PDCD10: variants seen among roughly 807,000 people sequenced by gnomAD.
PDCD10 encodes programmed cell death 10, also known as programmed cell death protein 10.
PDCD10 carries 4 observed loss-of-function variants against 29.2 expected under a neutral mutation model. The ratio of observed to expected loss-of-function variants is 0.14; its 90% CI spans 0.07 to 0.31. The LOEUF is 0.31. Ranked by LOEUF, PDCD10 falls within the 10% of genes least tolerant of loss-of-function variation. PDCD10 has a pLI of 1.00. For missense variants in PDCD10, 183 were observed against 257.9 expected, an observed-to-expected ratio of 0.71 and a Z score of 1.99; for synonymous variants, 70 against 82.2, an observed-to-expected ratio of 0.85 and a Z score of 0.80.
chr3:167,702,126 T>C (rs778338557), intron 4 of PDCD10, among the ~76,000 whole-genome samples: 2 of 152,158 alleles, frequency 1.3e-5, no homozygotes, highest in Non-Finnish European at 2.9e-5. Context: ...TACAGAAACA[T>C]TTTTAGAGAA....
At chr3:167,706,190 G>A (rs1197388584) in intron 3 of PDCD10, among the ~76,000 whole-genome samples, 3 of 152,158 alleles carry the variant, frequency 2.0e-5, no homozygotes, top group Admixed American at 2.0e-4. Flanking sequence ...TAGATTTCTA[G>A]ACTCATTTTA....
intron 2 of PDCD10, among the ~76,000 whole-genome samples, chr3:167,729,807 T>C (rs1724609687): frequency 6.6e-6 from 1 of 152,188 alleles, no homozygotes; most frequent in Non-Finnish European, 1.5e-5. Context: ...GGTAAACTTA[T>C]TCCCAAGGGA....
intron 3 of PDCD10, among the ~76,000 whole-genome samples, chr3:167,716,759 T>G (rs184071807): frequency 1.6e-4 from 24 of 152,138 alleles, no homozygotes; most frequent in Admixed American, 1.4e-3. Flanking sequence ...AAGCATACTT[T>G]TGTGTAATTT....
intron 3 of PDCD10, among the ~76,000 whole-genome samples, chr3:167,716,950 T>C (rs375495666): frequency 6.6e-6 from 1 of 152,094 alleles, no homozygotes; most frequent in East Asian, 1.9e-4. Flanking sequence ...CATTCTCTCC[T>C]CCCCGATATA....
intron 3 of PDCD10, among the ~76,000 whole-genome samples, chr3:167,709,520 G>C (rs1722317966): frequency 6.6e-6 from 1 of 152,154 alleles, no homozygotes; most frequent in Admixed American, 6.5e-5. Flanking sequence ...TCAGCTAGCA[G>C]CCACCCACAA....
chr3:167,733,294 A>C (rs879566654), intron 2 of PDCD10, among the ~76,000 whole-genome samples: 1 of 152,222 alleles, frequency 6.6e-6, no homozygotes, highest in African/African-American at 2.4e-5. Context: ...GCCATCAATG[A>C]ACATACTCTA....
At chr3:167,730,193 T>C (rs1228806254) in intron 2 of PDCD10, among the ~76,000 whole-genome samples, 6 of 151,612 alleles carry the variant, frequency 4.0e-5, no homozygotes, top group South Asian at 2.1e-4. Flanking sequence ...ATAATAAATG[T>C]GCTTTCATTT....
chr3:167,698,330 T>C (rs755864841), intron 4 of PDCD10, among the ~76,000 whole-genome samples: 2 of 152,206 alleles, frequency 1.3e-5, no homozygotes, highest in African/African-American at 4.8e-5. Context: ...CTGTTTCTTT[T>C]ACAGCCTATG....
At chr3:167,690,686 A>G (rs1232059991) in intron 6 of PDCD10, among the ~76,000 whole-genome samples, 2 of 152,072 alleles carry the variant, frequency 1.3e-5, no homozygotes. Context: ...TTCCTTATCA[A>G]CTCCATTGAG....
Position 167,698,157 on chromosome 3 carries a change from T to C in PDCD10, c.151-1031A>G, listed in dbSNP as rs1194270364. 2.6e-5 allele frequency among the ~76,000 whole-genome samples: 4 copies of C among 152,312 alleles called. No individual in the cohort carries two copies. The East Asian group carries it at 7.7e-4, about 29-fold the overall frequency. ...TTCCATTATAACATCTTGTTTCTCA[T>C]TAGATCTCAAGTATCAAAAACTGAA... On this transcript the variant is annotated intron_variant, in intron 4 of 8. Coordinates refer to ENST00000392750, the MANE Select transcript of PDCD10 (RefSeq NM_007217.4).
chr3:167,729,987 G>T (rs764719300), intron 2 of PDCD10, among the ~76,000 whole-genome samples: 4 of 152,038 alleles, frequency 2.6e-5, no homozygotes, highest in Admixed American at 6.6e-5. Flanking sequence ...TCACTTTTGG[G>T]TGATTTTAAA....
chr3:167,688,520 C>T (rs1416961661), intron 6 of PDCD10, among the ~76,000 whole-genome samples: 1 of 152,090 alleles, frequency 6.6e-6, no homozygotes, highest in Non-Finnish European at 1.5e-5. Context: ...ATCCATGCAC[C>T]ATTTTTTCTG....
At chr3:167,706,916 A>C (rs1435767756) in intron 3 of PDCD10, among the ~76,000 whole-genome samples, 1 of 152,218 alleles carries the variant, frequency 6.6e-6, no homozygotes. Context: ...CATTTTACAA[A>C]GGAAGAAACT....
intron 2 of PDCD10, among the ~76,000 whole-genome samples, chr3:167,726,114 G>GTTT (rs751342370): frequency 1.8e-3 from 152 of 85,752 alleles, no homozygotes; most frequent in Non-Finnish European, 2.4e-3. Flanking sequence ...GTAGAGTACT[G>GTTT]TTTTTTTTTT....
In PDCD10 at chr3:167,693,414, G is replaced by C. The variant is rs181436377; in HGVS notation, c.395+2182C>G. ...CAAAATTACCTTAAAAGGCTATCAA[G>C]TACCAGTACCTTCAAATGTTGATAA... On this transcript the variant is annotated intron_variant, in intron 6 of 8. Coordinates refer to ENST00000392750, the MANE Select transcript of PDCD10 (RefSeq NM_007217.4). Among the ~76,000 whole-genome samples, 6 of 152,260 alleles carry C rather than the reference G, an allele frequency of 3.9e-5. No individual in the cohort carries two copies. The East Asian group carries it at 1.2e-3, about 29-fold the overall frequency.
intron 2 of PDCD10, 38 bp from the exon 3 acceptor site, chr3:167,720,311 T>C (rs940642471): frequency 3.0e-4 from 185 of 613,986 alleles, no homozygotes; most frequent in Non-Finnish European, 4.8e-4. Flanking sequence ...ACTTACTATA[T>C]TAAGGAGAAA....
At chr3:167,729,511 T>C (rs1724567157) in intron 2 of PDCD10, among the ~76,000 whole-genome samples, 1 of 152,206 alleles carries the variant, frequency 6.6e-6, no homozygotes, top group Non-Finnish European at 1.5e-5. Context: ...CAAGCAATTT[T>C]TCCTGCAACC....
chr3:167,706,560 T>C (rs944566431), intron 3 of PDCD10, among the ~76,000 whole-genome samples: 4 of 69,122 alleles, frequency 5.8e-5, no homozygotes, highest in East Asian at 7.8e-4. Flanking sequence ...AAAGAGGTAA[T>C]GTTGCGCTAC....
chr3:167,710,848 G>C (rs992039317), intron 3 of PDCD10, among the ~76,000 whole-genome samples: 17 of 152,238 alleles, frequency 1.1e-4, no homozygotes, highest in African/African-American at 3.9e-4. Context: ...GTTCAGCACA[G>C]AGAGACAGAA....
Sources: gnomAD v4.1 joint callset for allele counts (sites outside exome capture counted in the v4.1 genomes callset) on GRCh38, gnomAD v4.1.1 for gene constraint, MANE v1.5 for transcripts, NCBI Gene and HGNC (gene_info 2026-07-23, HGNC 2026-07-21) for gene names.